ZNF618: variants seen among roughly 807,000 people sequenced by gnomAD.
ZNF618 encodes zinc finger protein 618.
A neutral mutation model predicts 103.0 loss-of-function variants in ZNF618; 34 were observed. That is an observed-to-expected ratio of 0.33 (90% CI 0.25 to 0.44). ZNF618 has a LOEUF of 0.44. Among genes scored for constraint, ZNF618 ranks in the 20% least tolerant of loss-of-function variants. ZNF618 has a pLI of 1.00. For missense variants in ZNF618, 1,059 were observed against 1,295.4 expected (o/e 0.82, Z 2.80); for synonymous variants, 551 against 542.2 (o/e 1.02, Z -0.23).
At chr9:113,902,732 C>T (rs997988759) in intron 1 of ZNF618, among the ~76,000 whole-genome samples, 5 of 152,174 alleles carry the variant, frequency 3.3e-5, no homozygotes, top group Non-Finnish European at 5.9e-5. Flanking sequence ...TAATCAACGC[C>T]CAGTATCCCA....
At chr9:113,922,477 G>GTTTTTT (rs71367740) in intron 1 of ZNF618, among the ~76,000 whole-genome samples, 14 of 132,978 alleles carry the variant, frequency 1.1e-4, no homozygotes, top group African/African-American at 1.4e-4. Flanking sequence ...GTTTTGGTTT[G>GTTTTTT]TTTTTTTTTT....
At chr9:114,035,303 C>T (rs531651408) in intron 12 of ZNF618, 44 of 961,868 alleles carry the variant, frequency 4.6e-5, no homozygotes, top group African/African-American at 4.0e-4. Flanking sequence ...CAGCCAGCCA[C>T]GTGCTCCTGG....
intron 6 of ZNF618, among the ~76,000 whole-genome samples, chr9:114,002,927 A>T (rs982800831): frequency 1.3e-5 from 2 of 152,264 alleles, no homozygotes; most frequent in African/African-American, 4.8e-5. Context: ...TGGCCAAGTA[A>T]CTTTGGGAGA....
At chr9:113,948,780 A>G (rs1356666170) in intron 1 of ZNF618, among the ~76,000 whole-genome samples, 2 of 152,172 alleles carry the variant, frequency 1.3e-5, no homozygotes, top group African/African-American at 4.8e-5. Context: ...GGTGGTGGCT[A>G]CAGAAGGCAG....
chr9:113,960,483 G>C (rs556880409), intron 1 of ZNF618, among the ~76,000 whole-genome samples: 3 of 152,342 alleles, frequency 2.0e-5, no homozygotes, highest in African/African-American at 7.2e-5. Flanking sequence ...ATCAGAGAGA[G>C]AAGAATCCAC....
intron 1 of ZNF618, among the ~76,000 whole-genome samples, chr9:113,880,659 C>A (rs749716528): frequency 6.6e-6 from 1 of 151,926 alleles, no homozygotes; most frequent in African/African-American, 2.4e-5. Flanking sequence ...TTTTTAAAAA[C>A]AAGAATAGAC....
chr9:113,898,575 C>T (rs1281844800), intron 1 of ZNF618, among the ~76,000 whole-genome samples: 1 of 151,784 alleles, frequency 6.6e-6, no homozygotes, highest in Non-Finnish European at 1.5e-5. Flanking sequence ...TACAGGTGTG[C>T]ACCACCATGC....
At chr9:114,037,841 A>G (rs1223599253) in intron 13 of ZNF618, among the ~76,000 whole-genome samples, 1 of 152,100 alleles carries the variant, frequency 6.6e-6, no homozygotes, top group African/African-American at 2.4e-5. Flanking sequence ...ATTTATTTCT[A>G]ATGAACTTAA....
rs766915803 is a variant in ZNF618, at chr9:114,049,301, G to A, written c.1999G>A (p.Val667Met). ...SMHEVIELLNVCEDLAGSTGL... is the reference protein window; with the variant it reads ...SMHEVIELLNMCEDLAGSTGL... The stretch of plus-strand genomic sequence containing the variant: ...GCACGAGGTCATCGAGCTGCTCAAC[G>A]TGTGCGAGGACCTGGCGGGCTCCAC... Residue 667 changes from valine (V) to methionine (M), a missense_variant, in exon 15 of 15, where the codon GTG (valine) becomes ATG (methionine). Physicochemically the swap from Val to Met is conservative, Grantham distance 21. Coordinates refer to ENST00000374126, the MANE Select transcript of ZNF618 (RefSeq NM_001318042.2). 8.7e-6 allele frequency: 14 copies of A among 1,612,076 alleles called. No homozygotes were observed. The highest frequency in any genetic ancestry group is 2.7e-5 in the African/African-American group (2 of 75,054).
At chr9:113,995,485 G>A (rs990094433) in intron 3 of ZNF618, among the ~76,000 whole-genome samples, 7 of 152,216 alleles carry the variant, frequency 4.6e-5, no homozygotes, top group Admixed American at 2.6e-4. Flanking sequence ...GACAAGATTC[G>A]ACATTAATTT....
intron 10 of ZNF618, among the ~76,000 whole-genome samples, chr9:114,019,892 G>C (rs1486531981): frequency 6.6e-6 from 1 of 151,926 alleles, no homozygotes; most frequent in East Asian, 1.9e-4. Flanking sequence ...GTGCTTTTTG[G>C]GTTCTACCTC....
In ZNF618 at chr9:113,923,684, A is replaced by G. The variant is rs78195748; in HGVS notation, c.34-45433A>G. ...AAAACATTTTTAGGTTCAATTTTGT[A>G]CTATTTTGTTGATCATTTATCCACC... is the stretch of plus-strand genomic sequence containing the variant. On this transcript the variant is annotated intron_variant, in intron 1 of 14. Transcript: ENST00000374126. Among the ~76,000 whole-genome samples the G allele has an allele frequency of 9.0e-3, 1,372 of 152,146 alleles. 22 individuals carry two copies. The highest frequency in any genetic ancestry group is 0.031 in the African/African-American group (1,306 of 41,524).
intron 3 of ZNF618, among the ~76,000 whole-genome samples, chr9:113,997,270 G>A (rs1840709166): frequency 6.6e-6 from 1 of 151,900 alleles, no homozygotes; most frequent in African/African-American, 2.4e-5. Flanking sequence ...ACCATGCCCA[G>A]CTAATTTTTG....
intron 10 of ZNF618, among the ~76,000 whole-genome samples, chr9:114,023,163 C>G (rs1255747946): frequency 6.6e-6 from 1 of 151,888 alleles, no homozygotes; most frequent in East Asian, 1.9e-4. Flanking sequence ...AGTTTACTAT[C>G]TTGCATTTTT....
chr9:113,982,001 CAG>C (rs55813739), intron 2 of ZNF618, among the ~76,000 whole-genome samples: 8 of 150,804 alleles, frequency 5.3e-5, no homozygotes, highest in African/African-American at 4.8e-5. Context: ...AGGTGAGACC[CAG>C]AGAGAGAGAG....
At chr9:113,996,464 C>G (rs1178272817) in intron 3 of ZNF618, among the ~76,000 whole-genome samples, 1 of 152,224 alleles carries the variant, frequency 6.6e-6, no homozygotes, top group Non-Finnish European at 1.5e-5. Flanking sequence ...ACCCCACATT[C>G]TTTCTCAGAA....
At chr9:114,046,622 A>G (rs922350361) in intron 13 of ZNF618, among the ~76,000 whole-genome samples, 3 of 152,200 alleles carry the variant, frequency 2.0e-5, no homozygotes, top group Admixed American at 1.3e-4. Flanking sequence ...TCCTGATCTT[A>G]GGGAGAAAGC....
At position 114,052,943 on chromosome 9, in the gene ZNF618, G is replaced by C. The variant is rs1588474398; in HGVS notation, c.*2776G>C. On this transcript the variant is annotated 3_prime_UTR_variant, in exon 15 of 15. Coordinates refer to ENST00000374126, the MANE Select transcript of ZNF618 (RefSeq NM_001318042.2). ...CTTTTCCACCTCAATTCAATACTTA[G>C]GGGTTGGCTTGCCTCTGCAGGTTTG... is the stretch of plus-strand genomic sequence containing the variant. The C allele has an allele frequency of 6.6e-6, 1 of 152,214 alleles. No homozygotes were observed. The highest frequency in any genetic ancestry group is 2.1e-4 in the South Asian group (1 of 4,818). 9.4% of individuals were successfully genotyped at this position (152,214 alleles called of 1,614,324 possible).
rs951670379 is a variant in ZNF618 at position 113,951,581 on chromosome 9, G to A, written c.34-17536G>A. On this transcript the variant is annotated intron_variant, in intron 1 of 14. Transcript: ENST00000374126. Reference sequence around the variant, plus strand: ...TGTGTATATGTGTGTGTGTATATGTGTGTGTGTGTGTGTGTGTATATATAT... The same window carrying A: ...TGTGTATATGTGTGTGTGTATATGTATGTGTGTGTGTGTGTGTATATATAT... Among the ~76,000 whole-genome samples the A allele has an allele frequency of 1.7e-4, 13 of 75,478 alleles. 4 individuals carry two copies. In the East Asian group the frequency reaches 4.1e-3, roughly 24 times the overall value. 49.5% of individuals were successfully genotyped at this position (75,478 alleles called of 152,430 possible). A position where few individuals can be genotyped will look rare whatever the true frequency, so the allele number is the denominator to read the frequency against.
Sources: allele counts gnomAD v4.1 joint callset (sites outside exome capture counted in the v4.1 genomes callset), GRCh38; gene constraint gnomAD v4.1.1; transcripts MANE v1.5; gene names NCBI Gene and HGNC (gene_info 2026-07-23, HGNC 2026-07-21).